Variants in FUT8 observed in about 807,000 individuals in gnomAD.
The protein encoded by FUT8 is alpha-(1,6)-fucosyltransferase.
FUT8 carries 29 observed loss-of-function variants against 71.3 expected under a neutral mutation model. The ratio of observed to expected loss-of-function variants is 0.41; its 90% CI spans 0.30 to 0.55. FUT8 has a LOEUF of 0.55. FUT8 is among the 20% of genes least tolerant of loss of function. The pLI is 0.34. For missense variants in FUT8, 544 were observed against 702.1 expected (o/e 0.77, Z 2.55); for synonymous variants, 254 against 239.3 (o/e 1.06, Z -0.57).
chr14:65,683,227 C>A (rs1284450839), intron 7 of FUT8, among the ~76,000 whole-genome samples: 1 of 152,012 alleles, frequency 6.6e-6, no homozygotes, highest in African/African-American at 2.4e-5. Flanking sequence ...GTTGGCCAGG[C>A]TGGTCTCGAA....
At chr14:65,726,521 A>T (rs536798439) in intron 9 of FUT8, among the ~76,000 whole-genome samples, 35 of 152,202 alleles carry the variant, frequency 2.3e-4, no homozygotes, top group Non-Finnish European at 4.9e-4. Flanking sequence ...TTTTCAAACC[A>T]TTAGATCTTG....
chr14:65,596,740 A>G (rs184084561), intron 3 of FUT8, among the ~76,000 whole-genome samples: 11 of 152,250 alleles, frequency 7.2e-5, no homozygotes, highest in Admixed American at 2.0e-4. Flanking sequence ...TTTTTAAATG[A>G]AATCATAGTT....
the FUT8 span, among the ~76,000 whole-genome samples, chr14:65,358,847 G>C: frequency 6.6e-6 from 1 of 152,072 alleles, no homozygotes; most frequent in Non-Finnish European, 1.5e-5. Flanking sequence ...TGTTTGGTGA[G>C]TACATATATT....
chr14:65,649,016 A>C (rs1456781935), intron 6 of FUT8, among the ~76,000 whole-genome samples: 1 of 152,118 alleles, frequency 6.6e-6, no homozygotes, highest in African/African-American at 2.4e-5. Context: ...ATTGCTTCTT[A>C]TTTTCTCTCA....
intron 2 of FUT8, among the ~76,000 whole-genome samples, chr14:65,539,964 A>G (rs868100528): frequency 4.1e-4 from 62 of 152,330 alleles, no homozygotes; most frequent in Admixed American, 3.7e-3. Context: ...CTCCCAGATC[A>G]TGTGCAAGAT....
chr14:65,392,066 G>A, the FUT8 span, among the ~76,000 whole-genome samples: 1 of 152,034 alleles, frequency 6.6e-6, no homozygotes, highest in African/African-American at 2.4e-5. Flanking sequence ...CCAAGTAGCT[G>A]GGATTACAGG....
At chr14:65,402,439 C>T in the FUT8 span, among the ~76,000 whole-genome samples, 1,442 of 151,798 alleles carry the variant, frequency 9.5e-3, 17 homozygotes, top group African/African-American at 0.029. Flanking sequence ...GAGGCCGAGG[C>T]GGGTGGATCA....
At chr14:65,695,309 A>G (rs771069138) in intron 7 of FUT8, among the ~76,000 whole-genome samples, 3 of 152,142 alleles carry the variant, frequency 2.0e-5, no homozygotes, top group Non-Finnish European at 4.4e-5. Context: ...CAATTCTGTA[A>G]GTTTTTACCT....
chr14:65,617,265 G>C (rs1342274805), intron 5 of FUT8: 20 of 1,401,362 alleles, frequency 1.4e-5, no homozygotes, highest in Non-Finnish European at 1.8e-5. Context: ...GTTGTTTTAG[G>C]TGAAATTATA....
At chr14:65,459,033 C>A (rs776368813) in intron 2 of FUT8, among the ~76,000 whole-genome samples, 3 of 152,144 alleles carry the variant, frequency 2.0e-5, no homozygotes, top group Non-Finnish European at 4.4e-5. Flanking sequence ...AAGCGGTCTG[C>A]CCACCTCAGC....
chr14:65,580,611 T>C (rs557332108), intron 3 of FUT8, among the ~76,000 whole-genome samples: 7 of 152,188 alleles, frequency 4.6e-5, no homozygotes, highest in African/African-American at 1.7e-4. Context: ...TTGTTTTTGA[T>C]AGGTATTGGT....
intron 3 of FUT8, among the ~76,000 whole-genome samples, chr14:65,576,766 A>G (rs1886809138): frequency 7.6e-6 from 1 of 130,970 alleles, no homozygotes; most frequent in East Asian, 2.4e-4. Flanking sequence ...TGTCGCCAGG[A>G]TGGAGTGTAA....
upstream of FUT8, chr14:65,411,693 C>A (rs1194230970): frequency 1.9e-5 from 5 of 269,270 alleles, no homozygotes; most frequent in South Asian, 3.5e-5. Context: ...GTCTTAAGGG[C>A]ACCATTTCGC....
chr14:65,697,772 G>T (rs578066165), intron 7 of FUT8, among the ~76,000 whole-genome samples: 1 of 152,116 alleles, frequency 6.6e-6, no homozygotes, highest in African/African-American at 2.4e-5. Flanking sequence ...TCAGGAATTC[G>T]AGAGCATCCT....
chr14:65,526,197 A>T (rs1429240910), intron 2 of FUT8, among the ~76,000 whole-genome samples: 2 of 152,174 alleles, frequency 1.3e-5, no homozygotes, highest in Non-Finnish European at 2.9e-5. Context: ...GTGAGAGTCT[A>T]AGTCTCTTTG....
intron 7 of FUT8, among the ~76,000 whole-genome samples, chr14:65,695,328 T>G (rs1893937744): frequency 6.6e-6 from 1 of 152,248 alleles, no homozygotes; most frequent in Admixed American, 6.5e-5. Context: ...CTTATGTATT[T>G]TGACAGTCAG....
intron 3 of FUT8, among the ~76,000 whole-genome samples, chr14:65,610,952 A>C (rs1309719207): frequency 6.6e-6 from 1 of 151,532 alleles, no homozygotes; most frequent in African/African-American, 2.4e-5. Flanking sequence ...TGTTCATGAG[A>C]GATACTGTTC....
upstream of FUT8, chr14:65,412,111 A>G (rs936697821): frequency 2.2e-6 from 1 of 456,122 alleles, no homozygotes; most frequent in Non-Finnish European, 4.4e-6. Context: ...GAGGCCGGGC[A>G]TCGAACTCAG....
chr14:65,553,739 G>A (rs1000327206), intron 2 of FUT8, among the ~76,000 whole-genome samples: 1 of 151,144 alleles, frequency 6.6e-6, no homozygotes, highest in Non-Finnish European at 1.5e-5. Context: ...TTTTAAAGAT[G>A]ATGCTCCATT....
Sources: gnomAD v4.1 joint callset for allele counts (sites outside exome capture counted in the v4.1 genomes callset) on GRCh38, gnomAD v4.1.1 for gene constraint, MANE v1.5 for transcripts, NCBI Gene and HGNC (gene_info 2026-07-23, HGNC 2026-07-21) for gene names.